LRTM2: variants seen among roughly 807,000 people sequenced by gnomAD.
LRTM2 encodes the protein leucine-rich repeat and transmembrane domain-containing protein 2.
Under a neutral mutation model 28.1 loss-of-function variants are expected in LRTM2, and 18 were observed. The observed-to-expected ratio is 0.64, with a 90% CI of 0.44 to 0.95. The LOEUF (loss-of-function observed/expected upper bound fraction) is 0.95. Ranked by LOEUF, LRTM2 falls within the 40% of genes least tolerant of loss-of-function variation. The pLI is 0.00. For missense variants in LRTM2, 436 were observed against 497.2 expected, an observed-to-expected ratio of 0.88 and a Z score of 1.17; for synonymous variants, 250 against 218.7, an observed-to-expected ratio of 1.14 and a Z score of -1.26.
At chr12:1,824,942 A>C (rs1315195493) in intron 1 of LRTM2, among the ~76,000 whole-genome samples, 1 of 152,236 alleles carries the variant, frequency 6.6e-6, no homozygotes, top group Non-Finnish European at 1.5e-5. Context: ...TCCAGGAGGA[A>C]GCCCAAGGGA....
intron 1 of LRTM2, among the ~76,000 whole-genome samples, chr12:1,823,865 G>A (rs983514774): frequency 2.0e-5 from 3 of 152,172 alleles, no homozygotes; most frequent in South Asian, 2.1e-4. Context: ...GAGGAAAGGC[G>A]GCATCTTCCT....
At chr12:1,822,508 A>G (rs1864146744) in intron 1 of LRTM2, among the ~76,000 whole-genome samples, 1 of 151,990 alleles carries the variant, frequency 6.6e-6, no homozygotes, top group South Asian at 2.1e-4. Context: ...GGCCCAGTGG[A>G]CACCTTAGCC....
In LRTM2 at chr12:1,834,268, G is replaced by A. The variant is rs1428094778; in HGVS notation, c.660G>A (p.Gly220=). The A allele has an allele frequency of 6.4e-7, 1 of 1,563,722 alleles. No individual in the cohort carries two copies. Among genetic ancestry groups the A allele is most frequent in the South Asian group, 1.2e-5 (1 of 83,218 alleles). The change falls in exon 5 of 5, where the codon GGG becomes GGA. Residue 220 remains glycine, a splice_region_variant and synonymous_variant. Transcript: ENST00000299194. The surrounding 1 kb of genome is among the most constrained non-coding windows in gnomAD (Gnocchi z 7.6). ...CCTCTTTTTCTCTTCTGCATGTAGG[G>A]GGACGCTTGGACCAGCTTGCCTGCA... ...KHWMEWFSYR[G]GRLDQLACTL...
Position 1,834,503 on chromosome 12 carries a change from C to T in LRTM2, c.895C>T (p.His299Tyr), listed in dbSNP as rs1175479804. 6.2e-7 allele frequency: 1 copy of T among 1,607,666 alleles called. No individual in the cohort carries two copies. The highest frequency in any genetic ancestry group is 8.5e-7 in the Non-Finnish European group (1 of 1,179,850). The change falls in exon 5 of 5, where the codon CAC becomes TAC. Residue 299 changes from histidine (H) to tyrosine (Y), a missense_variant. Physicochemically the swap from His to Tyr is moderately conservative, Grantham distance 83. Transcript: ENST00000299194. This position sits in a 1 kb window ranked among gnomAD's most constrained non-coding sequence, Gnocchi z 7.6. Reference protein sequence around the residue: ...PSTACPQKQRHRPASVRRAMG... With the variant: ...PSTACPQKQRYRPASVRRAMG... ...CACAGCCTGCCCACAGAAGCAGAGG[C>T]ACCGGCCGGCGAGCGTGAGGCGAGC... is the stretch of plus-strand genomic sequence containing the variant.
intron 1 of LRTM2, among the ~76,000 whole-genome samples, 171 bp from the exon 2 acceptor site, chr12:1,827,239 C>A (rs1411349247): frequency 1.3e-5 from 2 of 152,078 alleles, no homozygotes; most frequent in Non-Finnish European, 2.9e-5. Context: ...GAAGTGGAGA[C>A]CCCAGCACAC....
At chr12:1,826,069 T>C (rs1173297109) in intron 1 of LRTM2, among the ~76,000 whole-genome samples, 2 of 151,882 alleles carry the variant, frequency 1.3e-5, no homozygotes, top group African/African-American at 4.8e-5. Flanking sequence ...TGCTCAGGAA[T>C]GAGAAACAAC....
At chr12:1,824,129 G>C (rs1287015176) in intron 1 of LRTM2, among the ~76,000 whole-genome samples, 1 of 152,148 alleles carries the variant, frequency 6.6e-6, no homozygotes, top group East Asian at 1.9e-4. Flanking sequence ...TTTCTCCCCA[G>C]GTCCCAGTTA....
chr12:1,824,761 G>T (rs1360099288), intron 1 of LRTM2, among the ~76,000 whole-genome samples: 2 of 152,232 alleles, frequency 1.3e-5, no homozygotes, highest in Non-Finnish European at 2.9e-5. Flanking sequence ...TCTTCTGGGG[G>T]TGGGAAGGGT....
chr12:1,830,250 A>G (rs1471951586), intron 3 of LRTM2, among the ~76,000 whole-genome samples: 1 of 152,222 alleles, frequency 6.6e-6, no homozygotes, highest in Admixed American at 6.5e-5. Flanking sequence ...TCACTCCCAC[A>G]GTGGGACCCT....
intron 1 of LRTM2, among the ~76,000 whole-genome samples, chr12:1,823,675 G>T (rs1864203327): frequency 6.6e-6 from 1 of 152,000 alleles, no homozygotes; most frequent in Non-Finnish European, 1.5e-5. Flanking sequence ...GTAAGATCTT[G>T]GCCTCCCAGG....
intron 1 of LRTM2, among the ~76,000 whole-genome samples, chr12:1,825,776 C>T (rs530412909): frequency 6.6e-6 from 1 of 152,344 alleles, no homozygotes; most frequent in South Asian, 2.1e-4. Context: ...AGGGCCACTG[C>T]TGGGTGACAG....
At chr12:1,830,224 T>A (rs1325602565) in intron 3 of LRTM2, among the ~76,000 whole-genome samples, 1 of 152,228 alleles carries the variant, frequency 6.6e-6, no homozygotes, top group African/African-American at 2.4e-5. Flanking sequence ...GAAGTGGGTT[T>A]GTACATCTTA....
chr12:1,827,999 C>T (rs531940617), intron 2 of LRTM2, 77 bp from the exon 3 acceptor site: 19 of 558,902 alleles, frequency 3.4e-5, no homozygotes, highest in Non-Finnish European at 4.8e-5. Flanking sequence ...AAAGAGACAC[C>T]CGGGCCCTCT....
In LRTM2 at chr12:1,828,190, C is replaced by T. The variant is rs983644952; in HGVS notation, c.42C>T (p.Leu14=). 3.6e-5 allele frequency: 55 copies of T among 1,546,988 alleles called. No homozygotes were observed. The highest frequency in any genetic ancestry group is 7.4e-5 in the East Asian group (3 of 40,714). The change falls in exon 3 of 5, where the codon CTC becomes CTT. Residue 14 remains leucine, a synonymous_variant. Coordinates refer to ENST00000299194, the MANE Select transcript of LRTM2 (RefSeq NM_001039029.3). The surrounding 1 kb of genome is among the most constrained non-coding windows in gnomAD (Gnocchi z 4.2). ...PGSSPGQRGR[L]ALQWRQVSWI... ...GCAGCCCTGGGCAGAGGGGCAGGCT[C>T]GCCCTGCAGTGGAGGCAAGTCTCCT...
rs1171653986 is a variant in LRTM2 at position 1,833,921 on chromosome 12, C to T, written c.659-346C>T. On this transcript the variant is annotated intron_variant, in intron 4 of 4. Transcript: ENST00000299194. The surrounding 1 kb of genome is among the most constrained non-coding windows in gnomAD (Gnocchi z 4.2). ...GACAGCCCTTTCCTGGGAACCTCCC[C>T]ATGTTAGCACTGCCTTACTCTGTGG... Among the ~76,000 whole-genome samples, 1 of 152,202 alleles carries T rather than the reference C, an allele frequency of 6.6e-6. No homozygotes were observed. The highest frequency in any genetic ancestry group is 1.5e-5 in the Non-Finnish European group (1 of 68,032).
In LRTM2 at chr12:1,834,423, C is replaced by G. The variant is rs775095786; in HGVS notation, c.815C>G (p.Ala272Gly). 1 of 1,612,950 alleles carries G rather than the reference C, an allele frequency of 6.2e-7. No homozygotes were observed. Among genetic ancestry groups the G allele is most frequent in the Admixed American group, 1.7e-5 (1 of 60,024 alleles). Reference protein sequence around the residue: ...LDIPGPPCTKASPEPAKPKPG... With the variant: ...LDIPGPPCTKGSPEPAKPKPG... Reference sequence around the variant, plus strand: ...ATTCCTGGGCCACCCTGCACCAAGGCCAGTCCAGAGCCTGCTAAGCCCAAG... The same window carrying G: ...ATTCCTGGGCCACCCTGCACCAAGGGCAGTCCAGAGCCTGCTAAGCCCAAG... The change falls in exon 5 of 5, where the codon GCC becomes GGC. Residue 272 changes from alanine (A) to glycine (G), a missense_variant. Coordinates refer to ENST00000299194, the MANE Select transcript of LRTM2 (RefSeq NM_001039029.3). The surrounding 1 kb of genome is among the most constrained non-coding windows in gnomAD (Gnocchi z 7.6).
In LRTM2 at chr12:1,834,928, T is replaced by C. The variant is rs894792840; in HGVS notation, c.*207T>C. ...CCGTGCTGGGGGCTCCTGCTGATGCTCCTGTCTGGGCCAGTAAATCTTTGG... is the reference window on the plus strand; with the variant it reads ...CCGTGCTGGGGGCTCCTGCTGATGCCCCTGTCTGGGCCAGTAAATCTTTGG... On this transcript the variant is annotated 3_prime_UTR_variant, in exon 5 of 5. Transcript: ENST00000299194. The surrounding 1 kb of genome is among the most constrained non-coding windows in gnomAD (Gnocchi z 7.6). 11 of 900,488 alleles carry C rather than the reference T, an allele frequency of 1.2e-5. No individual in the cohort carries two copies. The African/African-American group carries it at 1.5e-4, about 12-fold the overall frequency. The allele number at this position is 900,488 out of a possible 1,614,324, so 55.8% of individuals were successfully genotyped here.
chr12:1,831,443 G>A lies in LRTM2; in HGVS notation c.576G>A (p.Leu192=). ...TTGAACCCCTAGCAAACCTGCAGCT[G>A]CTGCAGGTCGGGGATAACCCCTGGG... ...LTFEPLANLQ[L]LQVGDNPWEC... Residue 192 remains leucine (L), a synonymous_variant, in exon 4 of 5, where the codon CTG becomes CTA. Transcript: ENST00000299194. 6.2e-7 allele frequency: 1 copy of A among 1,614,132 alleles called. No homozygotes were observed. The highest frequency in any genetic ancestry group is 1.7e-5 in the Admixed American group (1 of 60,034).
Position 1,834,764 on chromosome 12 carries a change from A to G in LRTM2, c.*43A>G. ...GCCAGGTAGGAAGGGCGGGGAGAGC[A>G]CACGGCATTGCTCAGCCACAGCTCC... On this transcript the variant is annotated 3_prime_UTR_variant, in exon 5 of 5. Coordinates refer to ENST00000299194, the MANE Select transcript of LRTM2 (RefSeq NM_001039029.3). This position sits in a 1 kb window ranked among gnomAD's most constrained non-coding sequence, Gnocchi z 7.6. The G allele has an allele frequency of 5.8e-6, 9 of 1,540,042 alleles. No homozygotes were observed. The highest frequency in any genetic ancestry group is 7.9e-6 in the Non-Finnish European group (9 of 1,146,306).
Sources: gnomAD v4.1 joint callset for allele counts (sites outside exome capture counted in the v4.1 genomes callset) on GRCh38, gnomAD v4.1.1 for gene constraint, Gnocchi (gnomAD v3.1) non-coding constraint, MANE v1.5 for transcripts, NCBI Gene and HGNC (gene_info 2026-07-23, HGNC 2026-07-21) for gene names.